COG4: variants seen among roughly 807,000 people sequenced by gnomAD.
The protein encoded by COG4 is component of oligomeric golgi complex 4.
COG4 carries 65 observed loss-of-function variants against 95.1 expected under a neutral mutation model. The ratio of observed to expected loss-of-function variants is 0.68; its 90% CI spans 0.56 to 0.84. The LOEUF is 0.84. COG4 is among the 40% of genes least tolerant of loss of function. COG4 has a pLI of 0.00. For synonymous variants in COG4, 421 were observed against 374.8 expected (o/e 1.12, Z -1.42); for missense variants, 1,045 against 989.1 (o/e 1.06, Z -0.76).
chr16:70,507,990 G>A (rs1304873966), intron 8 of COG4, among the ~76,000 whole-genome samples: 2 of 151,694 alleles, frequency 1.3e-5, no homozygotes, highest in Non-Finnish European at 2.9e-5. Flanking sequence ...GTGCAATCTT[G>A]GCTCACTGCA....
intron 8 of COG4, among the ~76,000 whole-genome samples, chr16:70,502,558 G>A (rs956013786): frequency 4.6e-5 from 7 of 151,038 alleles, no homozygotes; most frequent in African/African-American, 1.2e-4. Context: ...CTGAGATCAC[G>A]CCATTGCACT....
Position 70,483,933 on chromosome 16 carries a change from C to T in COG4, c.1747G>A (p.Gly583Arg). ...TCAAACTTGGCCTGGGCCTGCTCCCCTCCAATGCCCTGGCTGAAGAGCTTG... is the reference window on the plus strand; with the variant it reads ...TCAAACTTGGCCTGGGCCTGCTCCCTTCCAATGCCCTGGCTGAAGAGCTTG... ...CTKLFSQGIG[G>R]EQAQAKFDSC... is the part of the protein sequence containing the mutation. Residue 583 changes from glycine (G) to arginine (R), a missense_variant, in exon 14 of 19, where the codon GGG becomes AGG. Coordinates refer to ENST00000323786, the MANE Select transcript of COG4 (RefSeq NM_015386.3). 6.2e-7 allele frequency: 1 copy of T among 1,613,210 alleles called. No individual in the cohort carries two copies. Among genetic ancestry groups the T allele is most frequent in the East Asian group, 2.2e-5 (1 of 44,890 alleles).
chr16:70,502,901 G>C (rs1017920314), intron 8 of COG4, among the ~76,000 whole-genome samples: 1 of 152,116 alleles, frequency 6.6e-6, no homozygotes, highest in Admixed American at 6.5e-5. Flanking sequence ...TGAGCGCTAG[G>C]ACAATTCAAT....
intron 8 of COG4, among the ~76,000 whole-genome samples, chr16:70,501,942 G>A (rs898319537): frequency 6.6e-6 from 1 of 151,930 alleles, no homozygotes; most frequent in Non-Finnish European, 1.5e-5. Flanking sequence ...GAAGTGCTGG[G>A]ATTACAGGCA....
chr16:70,481,766 G>C lies in COG4; in HGVS notation c.2104C>G (p.Arg702Gly). ...EKVVLKSTFN[R>G]LGGLQFDKEL... ...GACCCATGACCCCTTTACCTTACCC[G>C]GTTAAAGGTGGATTTCAGCACCACT... The change falls in exon 17 of 19, where the codon CGG becomes GGG. Residue 702 changes from arginine to glycine, a missense_variant and splice_region_variant. Arg to Gly is a moderately radical substitution (Grantham distance 125). Coordinates refer to ENST00000323786, the MANE Select transcript of COG4 (RefSeq NM_015386.3). 6.2e-7 allele frequency: 1 copy of C among 1,612,300 alleles called. No homozygotes were observed. Among genetic ancestry groups the C allele is most frequent in the Non-Finnish European group, 8.5e-7 (1 of 1,178,462 alleles).
At position 70,490,544 on chromosome 16, in the gene COG4, T is replaced by C; in HGVS notation, c.1648-152A>G. 4.2e-6 allele frequency: 3 copies of C among 716,304 alleles called. No individual in the cohort carries two copies. The East Asian group carries it at 8.0e-5, about 19-fold the overall frequency. 44.4% of individuals were successfully genotyped at this position (716,304 alleles called of 1,614,324 possible). A position where few individuals can be genotyped will look rare whatever the true frequency, so the allele number is the denominator to read the frequency against. ...GCTAATGAAAACCCACACTGCTACA[T>C]CTGAGCAGGACGCTCAGATCTTGGA... On this transcript the variant is annotated intron_variant, in intron 12 of 18. Transcript: ENST00000323786.
At chr16:70,490,425 T>G (rs888969928) in intron 12 of COG4, 33 bp from the exon 13 acceptor site, 1 of 1,583,236 alleles carries the variant, frequency 6.3e-7, no homozygotes, top group Non-Finnish European at 8.7e-7. Flanking sequence ...CGTGACTTCC[T>G]GCTGACTGTG....
chr16:70,480,775 C>T lies in COG4; in HGVS notation c.*235G>A, dbSNP rs2048972732. 1.8e-6 allele frequency: 1 copy of T among 562,882 alleles called. No individual in the cohort carries two copies. 34.9% of individuals were successfully genotyped at this position (562,882 alleles called of 1,614,324 possible). A position where few individuals can be genotyped will look rare whatever the true frequency, so the allele number is the denominator to read the frequency against. On this transcript the variant is annotated 3_prime_UTR_variant, in exon 19 of 19. Transcript: ENST00000323786. ...TCGCTGCCTGCCGTGGCTTTCCCACCTCATTAGGAGCCCGCTTCTCTCGGT... is the reference window on the plus strand; with the variant it reads ...TCGCTGCCTGCCGTGGCTTTCCCACTTCATTAGGAGCCCGCTTCTCTCGGT...
intron 8 of COG4, among the ~76,000 whole-genome samples, chr16:70,506,144 C>A (rs757327497): frequency 2.6e-5 from 4 of 151,238 alleles, no homozygotes; most frequent in Non-Finnish European, 4.4e-5. Context: ...TGCCTGTAAT[C>A]CCAGCATTTT....
rs755730477 is a variant in COG4 at position 70,483,982 on chromosome 16, A to G, written c.1711-13T>C. On this transcript the variant is annotated splice_polypyrimidine_tract_variant and intron_variant, in intron 13 of 18. Transcript: ENST00000323786. ...TGGTGCAGTCACTCTAGGGGAGAAC[A>G]CTGCTGTAAGACCACCGAGCACGCG... 3.1e-6 allele frequency: 5 copies of G among 1,596,624 alleles called. No homozygotes were observed. Among genetic ancestry groups the G allele is most frequent in the Non-Finnish European group, 4.3e-6 (5 of 1,167,264 alleles).
rs755107425 is a variant in COG4 at position 70,508,405 on chromosome 16, C to T, written c.1061+1G>A. The T allele has an allele frequency of 1.2e-6, 2 of 1,613,440 alleles. No homozygotes were observed. Among genetic ancestry groups the T allele is most frequent in the Non-Finnish European group, 1.7e-6 (2 of 1,179,474 alleles). On this transcript the variant is annotated splice_donor_variant, in intron 8 of 18. Transcript: ENST00000323786. LOFTEE classifies it high-confidence loss of function. ...GCTGAAGAAGAGAGAAGGATTATTA[C>T]CTTGGTTCGATTTTTTCTGTTGTAG... is the stretch of plus-strand genomic sequence containing the variant.
chr16:70,520,091 C>G (rs961439226), intron 1 of COG4, among the ~76,000 whole-genome samples: 1 of 151,938 alleles, frequency 6.6e-6, no homozygotes, highest in Non-Finnish European at 1.5e-5. Context: ...CACCTGAGGT[C>G]AGGAGTTCAT....
At position 70,487,270 on chromosome 16, in the gene COG4, G is replaced by A. The variant is rs963541595; in HGVS notation, c.1710+3060C>T. Among the ~76,000 whole-genome samples the A allele has an allele frequency of 3.4e-5, 5 of 147,994 alleles. No individual in the cohort carries two copies. In the East Asian group the frequency reaches 7.9e-4, roughly 23 times the overall value. ...CAGCCTGGGCAACAGAGTGAGAATC[G>A]GTCTCAAAAAATAAAAAAATAAAAA... On this transcript the variant is annotated intron_variant, in intron 13 of 18. Transcript: ENST00000323786.
intron 12 of COG4, among the ~76,000 whole-genome samples, chr16:70,491,780 C>T (rs1277148210): frequency 3.4e-5 from 5 of 145,870 alleles, no homozygotes; most frequent in African/African-American, 7.8e-5. Flanking sequence ...GCTGAGATCA[C>T]GCCACTGCAC....
intron 12 of COG4, 64 bp from the exon 13 acceptor site, chr16:70,490,456 C>T: frequency 7.5e-7 from 1 of 1,340,388 alleles, no homozygotes; most frequent in Non-Finnish European, 1.1e-6. Flanking sequence ...ACTCCAATGC[C>T]AGACTGGCTG....
chr16:70,488,830 C>T (rs2049187124), intron 13 of COG4, among the ~76,000 whole-genome samples: 1 of 152,202 alleles, frequency 6.6e-6, no homozygotes, highest in African/African-American at 2.4e-5. Flanking sequence ...GGATTATAGG[C>T]ATGAGCCACC....
intron 10 of COG4, 114 bp downstream of exon 10, chr16:70,497,823 T>A: frequency 1.3e-6 from 1 of 787,082 alleles, no homozygotes; most frequent in Admixed American, 1.7e-5. Flanking sequence ...TCAATCTGCA[T>A]GCAAGAGTAT....
rs2049444839 is a variant in COG4, at chr16:70,501,316, G to A, written c.1062-225C>T. 7.0e-6 allele frequency: 4 copies of A among 568,310 alleles called. No homozygotes were observed. In the South Asian group the frequency reaches 8.2e-5, roughly 12 times the overall value. 35.2% of individuals were successfully genotyped at this position (568,310 alleles called of 1,614,324 possible). A position where few individuals can be genotyped will look rare whatever the true frequency, so the allele number is the denominator to read the frequency against. ...TAAATCATTCACTCCCTAAAATTCT[G>A]CCAGACCTAAATAAAAGGTTGGGAG... On this transcript the variant is annotated intron_variant, in intron 8 of 18. Transcript: ENST00000323786.
At chr16:70,499,345 T>C (rs2049402203) in intron 9 of COG4, among the ~76,000 whole-genome samples, 1 of 152,214 alleles carries the variant, frequency 6.6e-6, no homozygotes, top group Non-Finnish European at 1.5e-5. Context: ...TTTCAGTCTT[T>C]TGGCTAAGAT....
Sources: allele counts gnomAD v4.1 joint callset (sites outside exome capture counted in the v4.1 genomes callset), GRCh38; gene constraint gnomAD v4.1.1; transcripts MANE v1.5; gene names NCBI Gene and HGNC (gene_info 2026-07-23, HGNC 2026-07-21).